The following NBPF12 variants were observed in gnomAD, a reference collection of about 807,000 sequenced individuals.
NBPF12 encodes NBPF family member NBPF12.
A neutral mutation model predicts 146.4 loss-of-function variants in NBPF12; 115 were observed. That is an observed-to-expected ratio of 0.79 (90% confidence interval 0.68 to 0.92). The LOEUF (loss-of-function observed/expected upper bound fraction) is 0.92. Ranked by LOEUF, NBPF12 falls within the 40% of genes least tolerant of loss-of-function variation. The pLI is 0.00. For missense variants in NBPF12, 1,205 were observed against 1,326.8 expected (o/e 0.91, Z 1.43); for synonymous variants, 385 against 508.9 (o/e 0.76, Z 3.28).
intron 1 of NBPF12, among the ~76,000 whole-genome samples, chr1:146,939,749 C>T (rs1290553137): frequency 2.0e-5 from 3 of 151,774 alleles, no homozygotes; most frequent in Non-Finnish European, 2.9e-5. Context: ...TTTAAGAGGC[C>T]GACGCGGGCG....
chr1:146,992,462 C>CTCTCTGTG (rs1450490306), intron 31 of NBPF12, among the ~76,000 whole-genome samples: 90 of 66,260 alleles, frequency 1.4e-3, no homozygotes, highest in East Asian at 7.5e-3. Flanking sequence ...CTCTCTCTCT[C>CTCTCTGTG]TGTGTGTGTG....
At chr1:146,946,246 T>G (rs1655060681), upstream of NBPF12, among the ~76,000 whole-genome samples, 1 of 151,084 alleles carries the variant, frequency 6.6e-6, no homozygotes, top group South Asian at 2.1e-4. Context: ...TTGCTGTAAG[T>G]ACTTACGTGC....
chr1:146,939,267 C>G (rs1178582533), intron 1 of NBPF12, among the ~76,000 whole-genome samples: 2 of 152,028 alleles, frequency 1.3e-5, no homozygotes, highest in African/African-American at 4.8e-5. Context: ...GGAGCAGCTT[C>G]GGGGGCACGT....
In NBPF12 at chr1:146,943,493, T is replaced by A; in HGVS notation, c.-619T>A. ...TCTCCGAGGCACCGATGTAGAAACT[T>A]ACCCATTCAGTGCACCAAGAGCAGC... On this transcript the variant is annotated 5_prime_UTR_variant, in exon 2 of 36. An upstream open reading frame in the 5' UTR gains an earlier in-frame stop. Transcript: ENST00000617931. 1 of 1,348,346 alleles carries A rather than the reference T, an allele frequency of 7.4e-7. No individual in the cohort carries two copies. The highest frequency in any genetic ancestry group is 1.0e-6 in the Non-Finnish European group (1 of 976,256). 83.5% of individuals were successfully genotyped at this position (1,348,346 alleles called of 1,614,324 possible). A position where few individuals can be genotyped will look rare whatever the true frequency, so the allele number is the denominator to read the frequency against.
chr1:146,972,002 G>A (rs1656663467), intron 13 of NBPF12, among the ~76,000 whole-genome samples: 1 of 149,022 alleles, frequency 6.7e-6, no homozygotes, highest in Non-Finnish European at 1.5e-5. Context: ...GCAGGAGAAT[G>A]GCATGAACCC....
upstream of NBPF12, among the ~76,000 whole-genome samples, chr1:146,947,362 A>T: frequency 6.7e-6 from 1 of 148,284 alleles, no homozygotes; most frequent in Admixed American, 6.8e-5. Flanking sequence ...TCTCATTTTT[A>T]AGGTGGCAGT....
chr1:146,963,241 A>G, exon 6 of NBPF12: 1 of 1,611,902 alleles, frequency 6.2e-7, no homozygotes, highest in Non-Finnish European at 8.5e-7. Context: ...TCCCAGGGGC[A>G]GGACCTCCAA....
intron 2 of NBPF12, among the ~76,000 whole-genome samples, chr1:146,943,772 G>A (rs1417075991): frequency 6.6e-6 from 1 of 151,858 alleles, no homozygotes; most frequent in Non-Finnish European, 1.5e-5. Flanking sequence ...TCGGGTGAAA[G>A]TGATTTTACT....
intron 31 of NBPF12, 77 bp downstream of exon 34, chr1:146,992,123 G>C: frequency 1.8e-6 from 1 of 562,498 alleles, no homozygotes; most frequent in South Asian, 2.0e-5. Context: ...AGAGCGGGCT[G>C]ACATTATCGA....
At chr1:146,949,418 TA>T (rs1655226336) in exon 1 of NBPF12, 1 of 135,358 alleles carries the variant, frequency 7.4e-6, no homozygotes, top group Non-Finnish European at 1.6e-5. Flanking sequence ...AACAGCCACA[TA>T]AAGGTGAGGG....
At chr1:146,953,514 T>C (rs1373623377) in intron 2 of NBPF12, among the ~76,000 whole-genome samples, 11 of 141,352 alleles carry the variant, frequency 7.8e-5, no homozygotes, top group Admixed American at 1.4e-4. Flanking sequence ...CGGCCTCTTT[T>C]TTATATTTAA....
intron 14 of NBPF12, 52 bp downstream of exon 17, chr1:146,973,012 C>T: frequency 1.2e-6 from 1 of 837,642 alleles, no homozygotes; most frequent in South Asian, 1.3e-5. Flanking sequence ...GTCCTGTCTT[C>T]TCTCTGAGAA....
chr1:146,947,999 G>A (rs1233004719), upstream of NBPF12, among the ~76,000 whole-genome samples: 8 of 151,918 alleles, frequency 5.3e-5, no homozygotes, highest in South Asian at 2.1e-4. Context: ...GTAGTGAACC[G>A]TCTTTATTTT....
chr1:146,963,644 GCTGT>G (rs1379582277), intron 6 of NBPF12, among the ~76,000 whole-genome samples: 3 of 151,878 alleles, frequency 2.0e-5, no homozygotes, highest in Non-Finnish European at 4.4e-5. Context: ...AGGTTCCCAG[GCTGT>G]CTTTTTGGCA....
intron 2 of NBPF12, among the ~76,000 whole-genome samples, chr1:146,955,968 A>G (rs1192221913): frequency 1.3e-5 from 2 of 150,126 alleles, no homozygotes; most frequent in African/African-American, 4.9e-5. Flanking sequence ...CAGCCTTTGT[A>G]TAAGGGCACT....
upstream of NBPF12, among the ~76,000 whole-genome samples, chr1:146,945,187 A>G (rs1654996661): frequency 7.2e-6 from 1 of 139,528 alleles, no homozygotes. Context: ...TTGTTCTACT[A>G]TTTTAAATAG....
At chr1:146,940,522 C>T (rs1570805390) in intron 1 of NBPF12, among the ~76,000 whole-genome samples, 3 of 149,886 alleles carry the variant, frequency 2.0e-5, no homozygotes, top group East Asian at 2.0e-4. Flanking sequence ...TGCCAGTGCA[C>T]TCTGGCCTGG....
chr1:146,957,905 G>A (rs1226705812), intron 2 of NBPF12, among the ~76,000 whole-genome samples: 2 of 103,690 alleles, frequency 1.9e-5, no homozygotes, highest in Non-Finnish European at 3.9e-5. Context: ...ATATATACAC[G>A]TATGTATATA....
intron 2 of NBPF12, among the ~76,000 whole-genome samples, chr1:146,954,440 C>G (rs1655471660): frequency 8.2e-6 from 1 of 122,180 alleles, no homozygotes. Context: ...TTATGTAAGG[C>G]CAGTACACCA....
Sources: allele counts gnomAD v4.1 joint callset (sites outside exome capture counted in the v4.1 genomes callset), GRCh38; gene constraint gnomAD v4.1.1; transcripts MANE v1.5; gene names NCBI Gene and HGNC (gene_info 2026-07-23, HGNC 2026-07-21).